The following BPNT1 variants were observed in gnomAD, a reference collection of about 807,000 sequenced individuals.
BPNT1 encodes the protein 3'(2'), 5'-bisphosphate nucleotidase 1.
A neutral mutation model predicts 36.9 loss-of-function variants in BPNT1; 28 were observed. That is an observed-to-expected ratio of 0.76 (90% CI 0.56 to 1.04). BPNT1 has a LOEUF of 1.04. BPNT1 is among the 50% of genes least tolerant of loss of function. BPNT1 has a pLI of 0.00. For missense variants in BPNT1, 313 were observed against 372.9 expected, an observed-to-expected ratio of 0.84 and a Z score of 1.32; for synonymous variants, 119 against 130.9, an observed-to-expected ratio of 0.91 and a Z score of 0.62.
chr1:220,073,572 G>A (rs746689948), intron 3 of BPNT1, among the ~76,000 whole-genome samples: 1 of 152,146 alleles, frequency 6.6e-6, no homozygotes, highest in Non-Finnish European at 1.5e-5. Flanking sequence ...TATTACAGGC[G>A]TGAGCCACTG....
intron 3 of BPNT1, among the ~76,000 whole-genome samples, chr1:220,073,638 A>G (rs576428254): frequency 1.3e-5 from 2 of 152,244 alleles, no homozygotes; most frequent in South Asian, 4.1e-4. Flanking sequence ...TAAGTATGCA[A>G]ATAAGCCTAA....
chr1:220,076,123 C>G (rs974322024), intron 2 of BPNT1, among the ~76,000 whole-genome samples: 1 of 151,844 alleles, frequency 6.6e-6, no homozygotes, highest in South Asian at 2.1e-4. Flanking sequence ...AATCCGAGCA[C>G]TTTGGGAGGC....
At chr1:220,078,832 G>A (rs763871270) in intron 2 of BPNT1, among the ~76,000 whole-genome samples, 5 of 151,852 alleles carry the variant, frequency 3.3e-5, no homozygotes, top group South Asian at 2.1e-4. Flanking sequence ...TCCTGACCTC[G>A]TGATCTGCCC....
intron 1 of BPNT1, among the ~76,000 whole-genome samples, chr1:220,083,514 C>T (rs541706782): frequency 6.6e-6 from 1 of 151,848 alleles, no homozygotes; most frequent in South Asian, 2.1e-4. Context: ...TGGGGTTTCA[C>T]CATGTTAGCC....
chr1:220,073,077 T>C (rs1664216344), intron 3 of BPNT1, 120 bp from the exon 4 acceptor site: 1 of 880,632 alleles, frequency 1.1e-6, no homozygotes, highest in Non-Finnish European at 1.8e-6. Flanking sequence ...GGTTTACCAT[T>C]TATATTTAGA....
At chr1:220,079,599 C>G in intron 2 of BPNT1, 128 bp downstream of exon 2, 1 of 1,163,326 alleles carries the variant, frequency 8.6e-7, no homozygotes, top group Non-Finnish European at 1.2e-6. Flanking sequence ...AACCAAGCGT[C>G]TTGCAGTCTC....
At position 220,058,534 on chromosome 1, in the gene BPNT1, GT is replaced by G. The variant is rs895686913; in HGVS notation, c.*309del. 6.1e-3 allele frequency: 5,129 copies of G among 834,250 alleles called. No homozygotes were observed. Among genetic ancestry groups the G allele is most frequent in the East Asian group, 6.6e-3 (64 of 9,668 alleles). 51.7% of individuals were successfully genotyped at this position (834,250 alleles called of 1,614,324 possible). A position where few individuals can be genotyped will look rare whatever the true frequency, so the allele number is the denominator to read the frequency against. Reference sequence around the variant, plus strand: ...AACTTTAAGTACTTTTTGGGTTTTTGTTTTTTTTTTTTCTGAGACAGGGCTT... The same window carrying G: ...AACTTTAAGTACTTTTTGGGTTTTTGTTTTTTTTTTTCTGAGACAGGGCTT... On this transcript the variant is annotated 3_prime_UTR_variant, in exon 9 of 9. Coordinates refer to ENST00000322067, the MANE Select transcript of BPNT1 (RefSeq NM_006085.6).
intron 4 of BPNT1, among the ~76,000 whole-genome samples, chr1:220,069,920 G>A (rs1322786183): frequency 7.3e-5 from 10 of 137,420 alleles, no homozygotes; most frequent in Admixed American, 7.9e-5. Context: ...TGGATGACAA[G>A]AGCAAAACTC....
chr1:220,083,793 T>C (rs1655447342), intron 1 of BPNT1, among the ~76,000 whole-genome samples: 1 of 152,182 alleles, frequency 6.6e-6, no homozygotes, highest in Non-Finnish European at 1.5e-5. Context: ...TGTGATCTGT[T>C]AAAACTGAGT....
chr1:220,066,021 C>T, intron 6 of BPNT1: 1 of 1,399,686 alleles, frequency 7.1e-7, no homozygotes, highest in Non-Finnish European at 9.5e-7. Flanking sequence ...CACAAGTTGC[C>T]TGCTTCTTTT....
chr1:220,087,784 C>A (rs1490912819), intron 1 of BPNT1, among the ~76,000 whole-genome samples: 1 of 151,726 alleles, frequency 6.6e-6, no homozygotes, highest in Non-Finnish European at 1.5e-5. Context: ...AAAGCACTGG[C>A]CATTAAATAC....
chr1:220,073,714 G>T (rs747631802), intron 3 of BPNT1, among the ~76,000 whole-genome samples: 42 of 152,118 alleles, frequency 2.8e-4, no homozygotes, highest in Admixed American at 2.0e-3. Context: ...CCATCTTACA[G>T]TTTGTATGCT....
At chr1:220,065,892 C>A (rs560132237) in intron 6 of BPNT1, among the ~76,000 whole-genome samples, 79 of 152,174 alleles carry the variant, frequency 5.2e-4, no homozygotes, top group African/African-American at 1.9e-3. Flanking sequence ...GCAAGAGAAG[C>A]AAGAGAAAGG....
At chr1:220,074,176 TAG>T in intron 2 of BPNT1, 105 bp from the exon 3 acceptor site, 1 of 1,001,760 alleles carries the variant, frequency 1.0e-6, no homozygotes, top group Non-Finnish European at 1.5e-6. Flanking sequence ...TGTCAGTTTT[TAG>T]AGTCATAGAA....
chr1:220,062,626 C>T, intron 7 of BPNT1, 131 bp downstream of exon 7: 1 of 948,852 alleles, frequency 1.1e-6, no homozygotes, highest in Non-Finnish European at 1.6e-6. Flanking sequence ...GTCTTTATAG[C>T]AGCATGATTT....
chr1:220,067,645 A>G (rs1028584681), intron 5 of BPNT1, among the ~76,000 whole-genome samples: 3 of 152,316 alleles, frequency 2.0e-5, no homozygotes, highest in Admixed American at 2.0e-4. Context: ...TAAATAAAGC[A>G]GCCATAATTT....
At chr1:220,089,121 AAAAAG>A (rs1656058821) in intron 1 of BPNT1, among the ~76,000 whole-genome samples, 1 of 148,040 alleles carries the variant, frequency 6.8e-6, no homozygotes, top group Non-Finnish European at 1.5e-5. Context: ...AAAAAAAAAA[AAAAAG>A]AAGGAGGAGG....
At chr1:220,079,246 G>A (rs1246355741) in intron 2 of BPNT1, among the ~76,000 whole-genome samples, 1 of 151,718 alleles carries the variant, frequency 6.6e-6, no homozygotes. Flanking sequence ...AGAAAGTCTG[G>A]AGTCTTTTTT....
intron 1 of BPNT1, among the ~76,000 whole-genome samples, chr1:220,088,871 G>A (rs1656020242): frequency 6.6e-6 from 1 of 151,380 alleles, no homozygotes; most frequent in South Asian, 2.1e-4. Context: ...AGGCCGAGAC[G>A]GGCAGATCAC....
Sources: allele counts gnomAD v4.1 joint callset (sites outside exome capture counted in the v4.1 genomes callset), GRCh38; gene constraint gnomAD v4.1.1; transcripts MANE v1.5; gene names NCBI Gene and HGNC (gene_info 2026-07-23, HGNC 2026-07-21).